The following ZCWPW2 variants were observed in gnomAD, a reference collection of about 807,000 sequenced individuals.
ZCWPW2 encodes the protein zinc finger CW-type and PWWP domain containing 2.
A neutral mutation model predicts 46.6 loss-of-function variants in ZCWPW2; 45 were observed. The observed-to-expected ratio is 0.96, with a 90% CI of 0.76 to 1.24. The LOEUF (loss-of-function observed/expected upper bound fraction) is 1.24, where lower values mean the gene tolerates loss of function less well. Ranked by LOEUF, ZCWPW2 falls within the 50% of genes most tolerant of loss-of-function variation. The pLI, the probability that ZCWPW2 is intolerant of heterozygous loss-of-function variation, is 0.00. For missense variants in ZCWPW2, 429 were observed against 403.9 expected, an observed-to-expected ratio of 1.06 and a Z score of -0.53; for synonymous variants, 152 against 137.1, an observed-to-expected ratio of 1.11 and a Z score of -0.76.
chr3:28,519,957 T>C (rs565978826), intron 8 of ZCWPW2, among the ~76,000 whole-genome samples: 1 of 152,204 alleles, frequency 6.6e-6, no homozygotes, highest in African/African-American at 2.4e-5. Flanking sequence ...GTGGGGATAT[T>C]GTTTTATCTC....
At chr3:28,374,297 G>A (rs1705432153) in intron 1 of ZCWPW2, among the ~76,000 whole-genome samples, 1 of 152,152 alleles carries the variant, frequency 6.6e-6, no homozygotes, top group Admixed American at 6.5e-5. Context: ...AATGAGCTGA[G>A]TGTAAATAGG....
intron 4 of ZCWPW2, among the ~76,000 whole-genome samples, chr3:28,445,178 C>G (rs1255322036): frequency 1.4e-5 from 2 of 147,956 alleles, no homozygotes; most frequent in Admixed American, 6.8e-5. Flanking sequence ...TATTATATAC[C>G]TATCATATAT....
intron 5 of ZCWPW2, among the ~76,000 whole-genome samples, chr3:28,486,638 G>A (rs773416685): frequency 3.9e-5 from 6 of 152,148 alleles, no homozygotes; most frequent in Non-Finnish European, 7.3e-5. Flanking sequence ...CACTTTGGGA[G>A]GCTGAGACAA....
At chr3:28,435,485 CTTTTTTTT>C in intron 4 of ZCWPW2, among the ~76,000 whole-genome samples, 1 of 134,136 alleles carries the variant, frequency 7.5e-6, no homozygotes, top group African/African-American at 2.7e-5. Flanking sequence ...TTCTTTCTGT[CTTTTTTTT>C]TTTTTTTTTG....
At chr3:28,358,676 A>G (rs1462780341) in intron 1 of ZCWPW2, among the ~76,000 whole-genome samples, 1 of 152,138 alleles carries the variant, frequency 6.6e-6, no homozygotes, top group Non-Finnish European at 1.5e-5. Flanking sequence ...AGTGTTGTGT[A>G]GTAGAATTCA....
At chr3:28,520,161 C>T (rs569582854) in intron 8 of ZCWPW2, among the ~76,000 whole-genome samples, 11 of 152,040 alleles carry the variant, frequency 7.2e-5, no homozygotes, top group Non-Finnish European at 1.0e-4. Flanking sequence ...CCCACCACCA[C>T]GCCAGGCTAA....
chr3:28,510,919 C>A, intron 6 of ZCWPW2: 1 of 359,478 alleles, frequency 2.8e-6, no homozygotes, highest in Non-Finnish European at 5.5e-6. Flanking sequence ...GGGAATGAAA[C>A]AATTAGAACA....
intron 2 of ZCWPW2, among the ~76,000 whole-genome samples, chr3:28,409,122 CTTTTTTT>C (rs11328735): frequency 1.2e-5 from 1 of 82,326 alleles, no homozygotes; most frequent in East Asian, 3.9e-4. Context: ...TTTTCTTTTT[CTTTTTTT>C]TTTTTTTTTT....
At chr3:28,366,979 C>G (rs1028292270) in intron 1 of ZCWPW2, among the ~76,000 whole-genome samples, 1 of 152,146 alleles carries the variant, frequency 6.6e-6, no homozygotes, top group African/African-American at 2.4e-5. Context: ...TCTGTGGGAT[C>G]AGTGGTTATA....
intron 1 of ZCWPW2, among the ~76,000 whole-genome samples, chr3:28,350,552 T>G (rs1687681605): frequency 1.3e-5 from 2 of 152,190 alleles, no homozygotes; most frequent in South Asian, 2.1e-4. Flanking sequence ...ATTATTTTAG[T>G]CAAGTAAAAC....
At chr3:28,372,608 G>A (rs771900827) in intron 1 of ZCWPW2, among the ~76,000 whole-genome samples, 5 of 151,858 alleles carry the variant, frequency 3.3e-5, no homozygotes, top group Non-Finnish European at 7.4e-5. Context: ...ACCTTTTTTG[G>A]CAACTTGTCC....
chr3:28,388,933 T>C (rs778612835), intron 1 of ZCWPW2, among the ~76,000 whole-genome samples: 1 of 152,220 alleles, frequency 6.6e-6, no homozygotes, highest in Non-Finnish European at 1.5e-5. Flanking sequence ...GCAGACATAC[T>C]GTTTCTCTTC....
intron 6 of ZCWPW2, among the ~76,000 whole-genome samples, chr3:28,497,638 T>C (rs1700028493): frequency 6.6e-6 from 1 of 152,124 alleles, no homozygotes. Flanking sequence ...AATAAGTTGT[T>C]AAAGTTATGC....
intron 8 of ZCWPW2, among the ~76,000 whole-genome samples, chr3:28,520,378 T>C (rs116638617): frequency 0.02 from 3,058 of 152,278 alleles, 40 homozygotes; most frequent in Middle Eastern, 0.031. Flanking sequence ...GCAATTTGGA[T>C]TGGGAAGGCA....
chr3:28,492,004 C>T (rs550089727), intron 5 of ZCWPW2, 123 bp from the exon 6 acceptor site: 32 of 951,536 alleles, frequency 3.4e-5, no homozygotes, highest in African/African-American at 2.4e-4. Flanking sequence ...AAAGGGACAA[C>T]GGGAACAAAA....
intron 3 of ZCWPW2, among the ~76,000 whole-genome samples, chr3:28,430,123 G>A (rs185803876): frequency 4.5e-4 from 68 of 152,308 alleles, no homozygotes; most frequent in South Asian, 8.3e-4. Flanking sequence ...AGCTTGCACC[G>A]TGCAACTGGA....
chr3:28,387,170 C>T (rs1157784920), intron 1 of ZCWPW2, among the ~76,000 whole-genome samples: 1 of 152,244 alleles, frequency 6.6e-6, no homozygotes, highest in African/African-American at 2.4e-5. Flanking sequence ...TTCCCAGATC[C>T]CTCCAATATT....
intron 4 of ZCWPW2, among the ~76,000 whole-genome samples, chr3:28,448,380 ATC>A (rs1052306784): frequency 4.6e-5 from 7 of 152,212 alleles, no homozygotes; most frequent in African/African-American, 1.4e-4. Context: ...AACCAAGGAG[ATC>A]AAATACTTGT....
intron 2 of ZCWPW2, among the ~76,000 whole-genome samples, chr3:28,396,731 T>C (rs1695716309): frequency 1.3e-5 from 2 of 152,188 alleles, no homozygotes; most frequent in Non-Finnish European, 2.9e-5. Context: ...GGAAGAACAA[T>C]CATTTTTCTC....
Sources: gnomAD v4.1 joint callset for allele counts (sites outside exome capture counted in the v4.1 genomes callset) on GRCh38, gnomAD v4.1.1 for gene constraint, MANE v1.5 for transcripts, NCBI Gene and HGNC (gene_info 2026-07-23, HGNC 2026-07-21) for gene names.